The following HTR1F variants were observed in gnomAD, a reference collection of about 807,000 sequenced individuals.
HTR1F encodes the protein 5-hydroxytryptamine (serotonin) receptor 1F, G protein-coupled.
HTR1F carries 17 observed loss-of-function variants against 24.0 expected under a neutral mutation model. The ratio of observed to expected loss-of-function variants is 0.71; its 90% confidence interval spans 0.48 to 1.06. The LOEUF (loss-of-function observed/expected upper bound fraction) is 1.06. HTR1F is among the 50% of genes least tolerant of loss of function. The pLI is 0.00. For synonymous variants in HTR1F, 186 were observed against 156.8 expected (o/e 1.19, Z -1.39); for missense variants, 391 against 427.8 (o/e 0.91, Z 0.76).
chr3:87,951,557 C>T (rs1285958302), intron 2 of HTR1F, among the ~76,000 whole-genome samples: 1 of 152,062 alleles, frequency 6.6e-6, no homozygotes, highest in African/African-American at 2.4e-5. Context: ...AGAAATTTCT[C>T]ACATACTACC....
At chr3:87,936,125 C>T (rs1225251128) in intron 2 of HTR1F, among the ~76,000 whole-genome samples, 1 of 152,214 alleles carries the variant, frequency 6.6e-6, no homozygotes, top group African/African-American at 2.4e-5. Context: ...GCTGGGATTA[C>T]AGGCGTGAGC....
chr3:87,865,848 A>T (rs1705415852), intron 2 of HTR1F, among the ~76,000 whole-genome samples: 1 of 152,132 alleles, frequency 6.6e-6, no homozygotes. Context: ...ATATAAATTC[A>T]TGTTGCATGT....
chr3:87,987,163 C>T (rs1292767575), intron 2 of HTR1F, among the ~76,000 whole-genome samples: 1 of 151,808 alleles, frequency 6.6e-6, no homozygotes, highest in African/African-American at 2.4e-5. Context: ...AAATAAACAC[C>T]ATTCCAAAGG....
chr3:87,941,365 G>A (rs1273692352), intron 2 of HTR1F, among the ~76,000 whole-genome samples: 11 of 152,174 alleles, frequency 7.2e-5, no homozygotes, highest in Middle Eastern at 6.3e-3. Context: ...CGATCCTCAC[G>A]GAGGGCCCTG....
At position 87,991,095 on chromosome 3, in the gene HTR1F, G is replaced by A; in HGVS notation, c.346G>A (p.Ala116Thr). 3.7e-6 allele frequency: 6 copies of A among 1,613,908 alleles called. No individual in the cohort carries two copies. The Middle Eastern group carries it at 8.2e-4, about 222-fold the overall frequency. Residue 116 changes from alanine (A) to threonine (T), a missense_variant, in exon 3 of 3, where the codon GCT (alanine) becomes ACT (threonine). Ala to Thr is a moderately conservative substitution (Grantham distance 58). Transcript: ENST00000319595. Reference protein sequence around the residue: ...CCTCSILHLSAIALDRYRAIT... With the variant: ...CCTCSILHLSTIALDRYRAIT... Reference sequence around the variant, plus strand: ...CACGTGCTCCATCTTGCATCTCTCAGCTATAGCTTTGGATCGGTATCGAGC... The same window carrying A: ...CACGTGCTCCATCTTGCATCTCTCAACTATAGCTTTGGATCGGTATCGAGC...
intron 2 of HTR1F, among the ~76,000 whole-genome samples, chr3:87,911,296 C>A (rs1330455942): frequency 6.6e-6 from 1 of 151,920 alleles, no homozygotes; most frequent in East Asian, 1.9e-4. Flanking sequence ...TACCGCTGAC[C>A]ACACAGAAAT....
intron 2 of HTR1F, among the ~76,000 whole-genome samples, chr3:87,855,828 C>T (rs1456556609): frequency 6.6e-6 from 1 of 152,064 alleles, no homozygotes; most frequent in Non-Finnish European, 1.5e-5. Flanking sequence ...AGCGTATCCA[C>T]ACTGTCCACA....
chr3:87,852,920 T>G (rs983537591), intron 2 of HTR1F, among the ~76,000 whole-genome samples: 9 of 151,674 alleles, frequency 5.9e-5, no homozygotes, highest in Non-Finnish European at 1.0e-4. Context: ...CAATAAAGTT[T>G]TATAGTTTTC....
At chr3:87,909,523 T>C (rs191788824) in intron 2 of HTR1F, among the ~76,000 whole-genome samples, 1 of 152,130 alleles carries the variant, frequency 6.6e-6, no homozygotes, top group Non-Finnish European at 1.5e-5. Flanking sequence ...CCATTCTCTT[T>C]CCCTTTAGAA....
intron 2 of HTR1F, among the ~76,000 whole-genome samples, chr3:87,866,819 CGTGTGTGTGT>C (rs763994292): frequency 1.0e-5 from 1 of 96,062 alleles, no homozygotes; most frequent in East Asian, 3.0e-4. Flanking sequence ...AGTGTGCGTG[CGTGTGTGTGT>C]GTGTGTGTGT....
At chr3:87,828,382 A>G (rs1704508022) in intron 2 of HTR1F, among the ~76,000 whole-genome samples, 1 of 152,242 alleles carries the variant, frequency 6.6e-6, no homozygotes, top group Admixed American at 6.5e-5. Context: ...TAACAAATAC[A>G]GTTTAAGTGT....
At chr3:87,796,655 AG>A (rs897431422) in intron 1 of HTR1F, among the ~76,000 whole-genome samples, 2 of 152,194 alleles carry the variant, frequency 1.3e-5, no homozygotes, top group African/African-American at 2.4e-5. Flanking sequence ...GGAAGCCAAA[AG>A]AAGAAAGTAC....
At chr3:87,857,149 G>T (rs1575952628) in intron 2 of HTR1F, among the ~76,000 whole-genome samples, 1 of 151,760 alleles carries the variant, frequency 6.6e-6, no homozygotes, top group East Asian at 1.9e-4. Flanking sequence ...TGAGTATCAG[G>T]TGGAATGGAG....
intron 2 of HTR1F, among the ~76,000 whole-genome samples, chr3:87,939,037 T>A (rs1001922950): frequency 6.6e-6 from 1 of 152,164 alleles, no homozygotes; most frequent in African/African-American, 2.4e-5. Context: ...CTGACAAAGA[T>A]CTAATATCCA....
At chr3:87,868,671 G>A (rs1257091721) in intron 2 of HTR1F, among the ~76,000 whole-genome samples, 1 of 151,764 alleles carries the variant, frequency 6.6e-6, no homozygotes, top group Non-Finnish European at 1.5e-5. Context: ...CCTTACCAGA[G>A]AATTAGAGAA....
At chr3:87,912,156 C>A (rs1703792083) in intron 2 of HTR1F, among the ~76,000 whole-genome samples, 1 of 151,742 alleles carries the variant, frequency 6.6e-6, no homozygotes, top group Admixed American at 6.6e-5. Context: ...GATTCTATAT[C>A]TAGAAAACCC....
At chr3:87,864,279 C>A (rs1395813919) in intron 2 of HTR1F, among the ~76,000 whole-genome samples, 2 of 152,230 alleles carry the variant, frequency 1.3e-5, no homozygotes, top group South Asian at 2.1e-4. Context: ...CCTACCATAG[C>A]CAGTTTAAAG....
intron 2 of HTR1F, among the ~76,000 whole-genome samples, chr3:87,877,004 AT>A (rs1559615372): frequency 6.6e-6 from 1 of 152,156 alleles, no homozygotes; most frequent in Non-Finnish European, 1.5e-5. Context: ...TCAAAAAGTA[AT>A]TTTAGGCCTA....
chr3:87,946,168 G>A (rs114253265), intron 2 of HTR1F, among the ~76,000 whole-genome samples: 2,436 of 152,304 alleles, frequency 0.016, 57 homozygotes, highest in African/African-American at 0.055. Context: ...TGGGCGCATC[G>A]CTGGATCAGG....
Sources: allele counts gnomAD v4.1 joint callset (sites outside exome capture counted in the v4.1 genomes callset), GRCh38; gene constraint gnomAD v4.1.1; transcripts MANE v1.5; gene names NCBI Gene and HGNC (gene_info 2026-07-23, HGNC 2026-07-21).